The following AGMO variants were observed in gnomAD, a reference collection of about 807,000 sequenced individuals.
AGMO encodes alkylglycerol monooxygenase, also known as glyceryl-ether monooxygenase.
AGMO carries 75 observed loss-of-function variants against 60.2 expected under a neutral mutation model. That is an observed-to-expected ratio of 1.25 (90% CI 1.03 to 1.51). AGMO has a LOEUF of 1.51. AGMO is among the 40% of genes most tolerant of loss of function. The pLI, the probability that AGMO is intolerant of heterozygous loss-of-function variation, is 0.00. For synonymous variants in AGMO, 261 were observed against 177.1 expected, an observed-to-expected ratio of 1.47 and a Z score of -3.76; for missense variants, 763 against 525.5, an observed-to-expected ratio of 1.45 and a Z score of -4.42.
intron 3 of AGMO, among the ~76,000 whole-genome samples, chr7:15,486,076 C>A (rs1021485710): frequency 6.6e-6 from 1 of 152,144 alleles, no homozygotes; most frequent in Non-Finnish European, 1.5e-5. Context: ...TTTTCCACTG[C>A]AGCATGCAGC....
chr7:15,348,224 T>C (rs528036851), intron 12 of AGMO, among the ~76,000 whole-genome samples: 1 of 152,098 alleles, frequency 6.6e-6, no homozygotes, highest in East Asian at 1.9e-4. Flanking sequence ...CAACTCCAAC[T>C]CCAAAGGACA....
chr7:15,373,225 C>T (rs528811509), intron 10 of AGMO, among the ~76,000 whole-genome samples: 1 of 151,708 alleles, frequency 6.6e-6, no homozygotes, highest in South Asian at 2.1e-4. Context: ...TTTCAGTGAG[C>T]TGAGATGGCA....
At chr7:15,547,952 C>T (rs1385475652) in intron 2 of AGMO, among the ~76,000 whole-genome samples, 2 of 151,830 alleles carry the variant, frequency 1.3e-5, no homozygotes, top group Admixed American at 6.6e-5. Context: ...GTTCTCCCAG[C>T]ACGCAGCTGG....
At position 15,354,427 on chromosome 7, in the gene AGMO, C is replaced by CGCGTGTGTATAT. The variant is rs1563105515; in HGVS notation, c.1263+11086_1263+11087insATATACACACGC. ...GTGTACACACGTGTGTGTATACACA[C>CGCGTGTGTATAT]ACGTGTGTGTATACACACGTGTGTG... On this transcript the variant is annotated intron_variant, in intron 12 of 12. Transcript: ENST00000342526. Among the ~76,000 whole-genome samples, 43 of 24,042 alleles carry CGCGTGTGTATAT rather than the reference C, an allele frequency of 1.8e-3. 4 individuals are homozygous for CGCGTGTGTATAT. Among genetic ancestry groups the CGCGTGTGTATAT allele is most frequent in the Non-Finnish European group, 2.2e-3 (37 of 16,638 alleles). The allele number at this position is 24,042 out of a possible 152,430, so 15.8% of individuals were successfully genotyped here.
At chr7:15,278,850 T>C (rs1004496491) in intron 12 of AGMO, among the ~76,000 whole-genome samples, 1 of 152,066 alleles carries the variant, frequency 6.6e-6, no homozygotes, top group Non-Finnish European at 1.5e-5. Context: ...GCTGCAGCTA[T>C]AGTACTCACA....
At chr7:15,219,260 G>T (rs907557689) in intron 12 of AGMO, among the ~76,000 whole-genome samples, 3 of 152,184 alleles carry the variant, frequency 2.0e-5, no homozygotes, top group Admixed American at 6.5e-5. Context: ...AATGCAGTGT[G>T]CTGTGTGCAG....
chr7:15,254,673 A>G (rs961995463), intron 12 of AGMO, among the ~76,000 whole-genome samples: 3 of 152,134 alleles, frequency 2.0e-5, no homozygotes, highest in African/African-American at 7.2e-5. Flanking sequence ...TAACCAAAAT[A>G]CGAAAGATCA....
chr7:15,363,659 C>T (rs1193007548), intron 12 of AGMO, among the ~76,000 whole-genome samples: 1 of 152,158 alleles, frequency 6.6e-6, no homozygotes, highest in African/African-American at 2.4e-5. Context: ...GTTCATCACA[C>T]TTAAAAGCTG....
At chr7:15,538,975 A>G (rs1784548651) in intron 3 of AGMO, among the ~76,000 whole-genome samples, 1 of 152,154 alleles carries the variant, frequency 6.6e-6, no homozygotes, top group South Asian at 2.1e-4. Context: ...TTGAGGGGAT[A>G]TTATGGATTG....
At chr7:15,129,059 T>C in the AGMO span, among the ~76,000 whole-genome samples, 3 of 152,044 alleles carry the variant, frequency 2.0e-5, no homozygotes, top group Non-Finnish European at 4.4e-5. Flanking sequence ...ATGTGATTAG[T>C]TGGGAAGCAT....
At chr7:15,164,497 T>C in the AGMO span, among the ~76,000 whole-genome samples, 6 of 151,824 alleles carry the variant, frequency 4.0e-5, no homozygotes, top group African/African-American at 1.2e-4. Flanking sequence ...TATGCCTTCA[T>C]ATTCAGAATC....
At chr7:15,537,964 G>C (rs976075457) in intron 3 of AGMO, among the ~76,000 whole-genome samples, 1 of 151,994 alleles carries the variant, frequency 6.6e-6, no homozygotes, top group Non-Finnish European at 1.5e-5. Flanking sequence ...ACGTGGGATG[G>C]CGCCTGTCAC....
Position 15,272,461 on chromosome 7 carries a change from A to T in AGMO, c.1264-71102T>A, listed in dbSNP as rs1266925684. Among the ~76,000 whole-genome samples, 14 of 151,888 alleles carry T rather than the reference A, an allele frequency of 9.2e-5. No individual in the cohort carries two copies. The East Asian group carries it at 1.6e-3, about 17-fold the overall frequency. ...ATGTCCCTACAAAGGACATGAACTC[A>T]TCATTTTTTATGGCTGCATAGTATT... is the stretch of plus-strand genomic sequence containing the variant. On this transcript the variant is annotated intron_variant, in intron 12 of 12. Coordinates refer to ENST00000342526, the MANE Select transcript of AGMO (RefSeq NM_001004320.2).
rs79678252 is a variant in AGMO at position 15,354,828 on chromosome 7, G to A, written c.1263+10686C>T. On this transcript the variant is annotated intron_variant, in intron 12 of 12. Coordinates refer to ENST00000342526, the MANE Select transcript of AGMO (RefSeq NM_001004320.2). Reference sequence around the variant, plus strand: ...CTGAATTTTTTCTCGTAATTCACGAGAATTTGTTTTCTAAAAATAAAAATA... The same window carrying A: ...CTGAATTTTTTCTCGTAATTCACGAAAATTTGTTTTCTAAAAATAAAAATA... 2.7e-5 allele frequency among the ~76,000 whole-genome samples: 4 copies of A among 150,864 alleles called. No individual in the cohort carries two copies. The East Asian group carries it at 8.1e-4, about 30-fold the overall frequency.
the AGMO span, among the ~76,000 whole-genome samples, chr7:15,191,590 A>G: frequency 6.6e-6 from 1 of 152,228 alleles, no homozygotes; most frequent in South Asian, 2.1e-4. Flanking sequence ...ATCTCTTATA[A>G]TTAAGGGCAA....
At position 15,380,323 on chromosome 7, in the gene AGMO, C is replaced by A. The variant is rs191004390; in HGVS notation, c.1074+5123G>T. On this transcript the variant is annotated intron_variant, in intron 10 of 12. Transcript: ENST00000342526. ...ACAACTTCAGCAAAGTCTCCGGATACAAAATCATATGCAAAAATCACTGGC... is the reference window on the plus strand; with the variant it reads ...ACAACTTCAGCAAAGTCTCCGGATAAAAAATCATATGCAAAAATCACTGGC... Among the ~76,000 whole-genome samples the A allele has an allele frequency of 4.0e-4, 61 of 152,264 alleles. No homozygotes were observed. The East Asian group carries it at 0.01, about 26-fold the overall frequency.
At position 15,555,312 on chromosome 7, in the gene AGMO, C is replaced by T. The variant is rs990932753; in HGVS notation, c.257+4829G>A. 7.6e-4 allele frequency among the ~76,000 whole-genome samples: 112 copies of T among 146,980 alleles called. No homozygotes were observed. In the Middle Eastern group the frequency reaches 0.011, roughly 14 times the overall value. ...ATATATACACACACACACACACACA[C>T]ACACACACACACACACACACACACA... On this transcript the variant is annotated intron_variant, in intron 2 of 12. Coordinates refer to ENST00000342526, the MANE Select transcript of AGMO (RefSeq NM_001004320.2).
At chr7:15,561,173 T>A (rs2115319810) in intron 1 of AGMO, among the ~76,000 whole-genome samples, 1 of 152,296 alleles carries the variant, frequency 6.6e-6, no homozygotes, top group Non-Finnish European at 1.5e-5. Context: ...ATATTTCCAC[T>A]TCCAATCATA....
chr7:15,327,752 T>C (rs1583412987), intron 12 of AGMO, among the ~76,000 whole-genome samples: 1 of 139,880 alleles, frequency 7.1e-6, no homozygotes, highest in African/African-American at 2.7e-5. Context: ...TTTTTTTTTT[T>C]TTTTTTTTTT....
Sources: allele counts gnomAD v4.1 joint callset (sites outside exome capture counted in the v4.1 genomes callset), GRCh38; gene constraint gnomAD v4.1.1; transcripts MANE v1.5; gene names NCBI Gene and HGNC (gene_info 2026-07-23, HGNC 2026-07-21).